PEX14: variants seen among roughly 807,000 people sequenced by gnomAD.
PEX14 encodes the protein peroxisomal biogenesis factor 14.
A neutral mutation model predicts 49.5 loss-of-function variants in PEX14; 15 were observed. The observed-to-expected ratio is 0.30, with a 90% CI of 0.20 to 0.47. The LOEUF (loss-of-function observed/expected upper bound fraction) is 0.47, where lower values mean the gene tolerates loss of function less well. PEX14 is among the 20% of genes least tolerant of loss of function. PEX14 has a pLI of 1.00. For missense variants in PEX14, 398 were observed against 494.8 expected (o/e 0.80, Z 1.86); for synonymous variants, 210 against 212.7 (o/e 0.99, Z 0.11).
chr1:10,567,831 A>G (rs1321516674), intron 3 of PEX14, among the ~76,000 whole-genome samples: 3 of 151,960 alleles, frequency 2.0e-5, no homozygotes, highest in Admixed American at 6.6e-5. Flanking sequence ...GGGTCTCACT[A>G]TGTTGCCCAG....
rs1363873027 is a variant in PEX14 at position 10,622,012 on chromosome 1, C to T, written c.385-1007C>T. On this transcript the variant is annotated intron_variant, in intron 5 of 8. Transcript: ENST00000356607. ...TGGCAGTGCCCACTGAAGGGGGCAG[C>T]GGGTCTCACTCCTCACCTGGGGGGC... is the stretch of plus-strand genomic sequence containing the variant. Among the ~76,000 whole-genome samples, 5 of 152,116 alleles carry T rather than the reference C, an allele frequency of 3.3e-5. No homozygotes were observed. The South Asian group carries it at 6.2e-4, about 19-fold the overall frequency.
rs1641891902 is a variant in PEX14, at chr1:10,512,009, G to C, written c.84+16688G>C. Among the ~76,000 whole-genome samples the C allele has an allele frequency of 6.6e-6, 1 of 151,972 alleles. No homozygotes were observed. Among genetic ancestry groups the C allele is most frequent in the African/African-American group, 2.4e-5 (1 of 41,348 alleles). The stretch of plus-strand genomic sequence containing the variant: ...GAGTCTTGCTCTGTCACCCAGGCTG[G>C]AGTGCAGTGGCATAATCTTGGCTCA... On this transcript the variant is annotated intron_variant, in intron 2 of 8. Coordinates refer to ENST00000356607, the MANE Select transcript of PEX14 (RefSeq NM_004565.3). This position sits in a 1 kb window ranked among gnomAD's most constrained non-coding sequence, Gnocchi z 4.6.
chr1:10,498,385 CATT>C (rs1641607974), intron 2 of PEX14, among the ~76,000 whole-genome samples: 1 of 152,176 alleles, frequency 6.6e-6, no homozygotes, highest in African/African-American at 2.4e-5. Context: ...GTGCAGGTGA[CATT>C]GTGATGTAGT....
chr1:10,602,662 A>G (rs191528850), intron 4 of PEX14, among the ~76,000 whole-genome samples: 2 of 152,298 alleles, frequency 1.3e-5, no homozygotes, highest in East Asian at 3.9e-4. Context: ...GAAATATACT[A>G]ATCCTGGAGT....
chr1:10,487,206 C>T (rs6540933), intron 1 of PEX14, among the ~76,000 whole-genome samples: 113,801 of 151,844 alleles, frequency 0.75, 43,263 homozygotes, highest in African/African-American at 0.89. Flanking sequence ...AATAGTATTT[C>T]GTTAAGGATT....
chr1:10,489,168 A>C (rs1490865113), intron 1 of PEX14, among the ~76,000 whole-genome samples: 4 of 151,882 alleles, frequency 2.6e-5, no homozygotes, highest in Non-Finnish European at 5.9e-5. Flanking sequence ...CTTAGTAGAG[A>C]CGGGGTTTCT....
rs1224377615 is a variant in PEX14 at position 10,495,591 on chromosome 1, A to G, written c.84+270A>G. Among the ~76,000 whole-genome samples the G allele has an allele frequency of 6.6e-6, 1 of 152,078 alleles. No homozygotes were observed. Among genetic ancestry groups the G allele is most frequent in the East Asian group, 1.9e-4 (1 of 5,188 alleles). ...ACTTTGTTTGTGGCTGATCAATAGT[A>G]ATTAGTGAGATTCCTGCGCCCGTGG... On this transcript the variant is annotated intron_variant, in intron 2 of 8. Coordinates refer to ENST00000356607, the MANE Select transcript of PEX14 (RefSeq NM_004565.3). This position sits in a 1 kb window ranked among gnomAD's most constrained non-coding sequence, Gnocchi z 4.2.
At chr1:10,478,741 G>C (rs974871356) in intron 1 of PEX14, among the ~76,000 whole-genome samples, 2 of 151,692 alleles carry the variant, frequency 1.3e-5, no homozygotes, top group East Asian at 3.9e-4. Context: ...ACCATGCCTG[G>C]CTAATGTATT....
At chr1:10,481,802 TTTA>T (rs1400618198) in intron 1 of PEX14, among the ~76,000 whole-genome samples, 1 of 150,492 alleles carries the variant, frequency 6.6e-6, no homozygotes, top group Non-Finnish European at 1.5e-5. Context: ...TGTTTGGCCA[TTTA>T]TTATTAACCA....
chr1:10,530,376 A>C (rs913915854), intron 2 of PEX14, among the ~76,000 whole-genome samples: 2 of 152,262 alleles, frequency 1.3e-5, no homozygotes, highest in African/African-American at 4.8e-5. Flanking sequence ...ATTTTCCCTG[A>C]GTGAAAACAC....
intron 3 of PEX14, among the ~76,000 whole-genome samples, chr1:10,571,015 GTTTT>G (rs34811019): frequency 1.3e-5 from 1 of 74,544 alleles, no homozygotes; most frequent in South Asian, 4.6e-4. Context: ...CGCCTGGCTA[GTTTT>G]TTTTTTTTTT....
At chr1:10,556,634 C>T (rs1253873684) in intron 3 of PEX14, among the ~76,000 whole-genome samples, 1 of 152,068 alleles carries the variant, frequency 6.6e-6, no homozygotes, top group African/African-American at 2.4e-5. Flanking sequence ...GCAGGGTTGC[C>T]GGGCTGTTTC....
intron 3 of PEX14, among the ~76,000 whole-genome samples, chr1:10,542,243 A>G (rs1639038771): frequency 6.6e-6 from 1 of 152,144 alleles, no homozygotes; most frequent in Non-Finnish European, 1.5e-5. Flanking sequence ...ACAGTTTCTT[A>G]TGTATCATTC....
chr1:10,481,140 CT>C (rs544692572), intron 1 of PEX14, among the ~76,000 whole-genome samples: 88 of 140,646 alleles, frequency 6.3e-4, no homozygotes, highest in Admixed American at 8.7e-4. Context: ...CCTTTCCTTC[CT>C]TTTTTTTTTT....
intron 3 of PEX14, among the ~76,000 whole-genome samples, chr1:10,541,776 C>T (rs940650928): frequency 4.6e-5 from 7 of 152,302 alleles, no homozygotes; most frequent in Admixed American, 1.3e-4. Context: ...GCATCCAGGA[C>T]GAGACCTACG....
chr1:10,555,828 G>GTT (rs1639472568), intron 3 of PEX14, among the ~76,000 whole-genome samples: 1 of 152,198 alleles, frequency 6.6e-6, no homozygotes, highest in Non-Finnish European at 1.5e-5. Flanking sequence ...GTGGCCGGGC[G>GTT]TTGCATCATA....
rs33968565 is a variant in PEX14, at chr1:10,487,481, C to CTTTTTTT, written c.37-7777_37-7771dup. Among the ~76,000 whole-genome samples, 210 of 86,758 alleles carry CTTTTTTT rather than the reference C, an allele frequency of 2.4e-3. 6 individuals carry two copies. Among genetic ancestry groups the CTTTTTTT allele is most frequent in the Middle Eastern group, 0.014 (1 of 74 alleles). The allele number at this position is 86,758 out of a possible 152,430, so 56.9% of individuals were successfully genotyped here. A position where few individuals can be genotyped will look rare whatever the true frequency, so the allele number is the denominator to read the frequency against. On this transcript the variant is annotated intron_variant, in intron 1 of 8. Transcript: ENST00000356607. ...ATACTTTATTACTTTTTCTTTCTTT[C>CTTTTTTT]TTTTTTTTTTTTTTTTTTTTTTGAG...
At chr1:10,558,736 C>CA (rs34343338) in intron 3 of PEX14, among the ~76,000 whole-genome samples, 100 of 113,434 alleles carry the variant, frequency 8.8e-4, no homozygotes, top group Middle Eastern at 9.0e-3. Context: ...GACCCTGTCT[C>CA]AAAAAAAAAA....
intron 2 of PEX14, among the ~76,000 whole-genome samples, chr1:10,522,873 T>G (rs1439480765): frequency 6.6e-6 from 1 of 152,240 alleles, no homozygotes; most frequent in African/African-American, 2.4e-5. Flanking sequence ...GATTACATAC[T>G]TTCTTGCTTT....
Sources: gnomAD v4.1 joint callset for allele counts (sites outside exome capture counted in the v4.1 genomes callset) on GRCh38, gnomAD v4.1.1 for gene constraint, Gnocchi (gnomAD v3.1) non-coding constraint, MANE v1.5 for transcripts, NCBI Gene and HGNC (gene_info 2026-07-23, HGNC 2026-07-21) for gene names.